The following D2HGDH variants were observed in gnomAD, a reference collection of about 807,000 sequenced individuals.
D2HGDH encodes the protein D-2-hydroxyglutarate dehydrogenase, mitochondrial.
A neutral mutation model predicts 46.9 loss-of-function variants in D2HGDH; 31 were observed. The ratio of observed to expected loss-of-function variants is 0.66; its 90% CI spans 0.50 to 0.89. The LOEUF is 0.89. D2HGDH is among the 40% of genes least tolerant of loss of function. D2HGDH has a pLI of 0.00. For synonymous variants in D2HGDH, 364 were observed against 332.6 expected, an observed-to-expected ratio of 1.09 and a Z score of -1.03; for missense variants, 698 against 720.8, an observed-to-expected ratio of 0.97 and a Z score of 0.36.
At chr2:241,750,339 C>T (rs1371658855) in intron 7 of D2HGDH, 45 bp downstream of exon 7, 3 of 1,402,474 alleles carry the variant, frequency 2.1e-6, no homozygotes, top group Non-Finnish European at 9.5e-7. Context: ...GCAGCTCCTT[C>T]TGCACGTCTG....
rs554238324 is a variant in D2HGDH, at chr2:241,751,875, G to T, written c.1140+487G>T. 3.2e-3 allele frequency among the ~76,000 whole-genome samples: 315 copies of T among 98,456 alleles called. 3 individuals are homozygous for T. The highest frequency in any genetic ancestry group is 0.012 in the African/African-American group (299 of 24,134). 64.6% of individuals were successfully genotyped at this position (98,456 alleles called of 152,430 possible). ...CCTTTTGAGGCCAAAGGAAGGAGGG[G>T]CAAGGCCTGGGCAGGGGGAGCCCTC... On this transcript the variant is annotated intron_variant, in intron 8 of 9. Coordinates refer to ENST00000321264, the MANE Select transcript of D2HGDH (RefSeq NM_152783.5).
At position 241,735,245 on chromosome 2, in the gene D2HGDH, GGCGTGGCCC is replaced by G. The variant is rs1307730631; in HGVS notation, c.29_37del (p.Pro10_Trp12del). On this transcript the variant is annotated inframe_deletion, in exon 2 of 10. Transcript: ENST00000321264. ...CGGCGATGCTGCCCCGTCGGCCTCT[GGCGTGGCCC>G]GCGTGGCTGTTGCGGGGTGCTCCGG... The G allele has an allele frequency of 2.6e-6, 4 of 1,517,666 alleles. No individual in the cohort carries two copies. Among genetic ancestry groups the G allele is most frequent in the African/African-American group, 2.9e-5 (2 of 70,108 alleles). The allele number at this position is 1,517,666 out of a possible 1,614,324, so 94.0% of individuals were successfully genotyped here.
chr2:241,752,373 G>T (rs1697399438), intron 8 of D2HGDH, among the ~76,000 whole-genome samples: 2 of 152,138 alleles, frequency 1.3e-5, no homozygotes, highest in South Asian at 4.1e-4. Flanking sequence ...ATGATCAAGT[G>T]TGCGTCCTTC....
intron 9 of D2HGDH, among the ~76,000 whole-genome samples, chr2:241,758,377 T>C (rs1164687946): frequency 6.6e-6 from 1 of 152,228 alleles, no homozygotes; most frequent in African/African-American, 2.4e-5. Context: ...TTTCAAGCTT[T>C]CCTTTCTTCT....
intron 7 of D2HGDH, 149 bp from the exon 8 acceptor site, chr2:241,751,097 A>G (rs1307654830): frequency 9.5e-7 from 1 of 1,050,134 alleles, no homozygotes; most frequent in African/African-American, 1.6e-5. Flanking sequence ...CAGCTTAACC[A>G]GAGAGCTGTG....
At chr2:241,735,073 A>G in intron 1 of D2HGDH, 60 bp from the exon 2 acceptor site, 1 of 859,404 alleles carries the variant, frequency 1.2e-6, no homozygotes, top group Non-Finnish European at 1.7e-6. Flanking sequence ...CTGCTTCTGC[A>G]AGCGTGTTTC....
chr2:241,764,701 C>T (rs1225179556), intron 9 of D2HGDH, among the ~76,000 whole-genome samples: 2 of 152,212 alleles, frequency 1.3e-5, no homozygotes, highest in African/African-American at 2.4e-5. Flanking sequence ...GGAAAACAGC[C>T]CTCACCCCAA....
Position 241,768,313 on chromosome 2 carries a change from A to G in D2HGDH, c.*344A>G. The G allele has an allele frequency of 3.5e-6, 1 of 283,236 alleles. No individual in the cohort carries two copies. The allele number at this position is 283,236 out of a possible 1,614,324, so 17.5% of individuals were successfully genotyped here. A position where few individuals can be genotyped will look rare whatever the true frequency, so the allele number is the denominator to read the frequency against. The stretch of plus-strand genomic sequence containing the variant: ...CCATCTTGCCTGCTGCGGCCTGGGG[A>G]GCAGGCGCTGGGTGGTGGTTCTGCC... On this transcript the variant is annotated 3_prime_UTR_variant, in exon 10 of 10. Coordinates refer to ENST00000321264, the MANE Select transcript of D2HGDH (RefSeq NM_152783.5).
chr2:241,744,622 C>A, intron 5 of D2HGDH, 87 bp from the exon 6 acceptor site: 1 of 1,518,342 alleles, frequency 6.6e-7, no homozygotes, highest in Non-Finnish European at 9.1e-7. Flanking sequence ...CCTCAGGCTG[C>A]TGCAGAAGTG....
At chr2:241,739,837 C>T (rs1336143049) in intron 2 of D2HGDH, among the ~76,000 whole-genome samples, 2 of 152,242 alleles carry the variant, frequency 1.3e-5, no homozygotes. Context: ...AGGGAAAGCC[C>T]TCCCTCGTGG....
rs1162829825 is a variant in D2HGDH, at chr2:241,767,744, G to C, written c.1341G>C (p.Glu447Asp). The C allele has an allele frequency of 6.2e-7, 1 of 1,612,926 alleles. No homozygotes were observed. The highest frequency in any genetic ancestry group is 8.5e-7 in the Non-Finnish European group (1 of 1,179,606). ...ACCTGCACCTCAATGTGACGGCGGA[G>C]GCCTTCAGCCCCTCGCTCCTGGCTG... ...DGNLHLNVTA[E>D]AFSPSLLAAL... is the part of the protein sequence containing the mutation. The change falls in exon 10 of 10, where the codon GAG becomes GAC. Residue 447 changes from glutamate to aspartate, a missense_variant. Transcript: ENST00000321264.
Position 241,742,008 on chromosome 2 carries a change from G to A in D2HGDH, c.351-427G>A, listed in dbSNP as rs1277730273. Among the ~76,000 whole-genome samples, 4 of 152,200 alleles carry A rather than the reference G, an allele frequency of 2.6e-5. No homozygotes were observed. Among genetic ancestry groups the A allele is most frequent in the Admixed American group, 1.3e-4 (2 of 15,286 alleles). ...GCTTTGCAAAGGTGCAGGCTGGTTG[G>A]GAGGGAGGTATCCTTGGGCACACGT... On this transcript the variant is annotated intron_variant, in intron 3 of 9. Coordinates refer to ENST00000321264, the MANE Select transcript of D2HGDH (RefSeq NM_152783.5). This position sits in a 1 kb window ranked among gnomAD's most constrained non-coding sequence, Gnocchi z 4.8.
chr2:241,737,581 C>G (rs1263245796), intron 2 of D2HGDH, among the ~76,000 whole-genome samples: 2 of 152,156 alleles, frequency 1.3e-5, no homozygotes, highest in African/African-American at 4.8e-5. Context: ...CCTCCACTTC[C>G]TGGGGTCAAG....
intron 2 of D2HGDH, among the ~76,000 whole-genome samples, chr2:241,740,126 C>T (rs759937466): frequency 4.6e-5 from 7 of 152,128 alleles, no homozygotes; most frequent in African/African-American, 1.2e-4. Flanking sequence ...GACTGGGTGA[C>T]GGAGTGAGAC....
chr2:241,767,932 TC>T lies in D2HGDH; in HGVS notation c.1531del (p.Leu511SerfsTer169), dbSNP rs1699289024. On this transcript the variant is annotated frameshift_variant, in exon 10 of 10. Coordinates refer to ENST00000321264, the MANE Select transcript of D2HGDH (RefSeq NM_152783.5). LOFTEE classifies it high-confidence loss of function. ...AAGGCCCTGCTGGACCCCAAGGGCA[TC>T]CTCAACCCCTACAAGACGCTGCCCA... is the stretch of plus-strand genomic sequence containing the variant. ...QLKALLDPKG[I>X]LNPYKTLPSQ... The T allele has an allele frequency of 5.0e-6, 8 of 1,599,994 alleles. No individual in the cohort carries two copies. The highest frequency in any genetic ancestry group is 6.8e-6 in the Non-Finnish European group (8 of 1,174,742).
chr2:241,739,664 T>A (rs373396150), intron 2 of D2HGDH, among the ~76,000 whole-genome samples: 25 of 152,270 alleles, frequency 1.6e-4, no homozygotes, highest in African/African-American at 6.0e-4. Flanking sequence ...GGGGCAGCAG[T>A]GGTTAGCAAC....
rs1391148860 is a variant in D2HGDH, at chr2:241,735,239, G to T, written c.15G>T (p.Arg5=). The change falls in exon 2 of 10, where the codon CGG becomes CGT. Residue 5 remains arginine (R), a synonymous_variant. Transcript: ENST00000321264. ...TCCCGGCGGCGATGCTGCCCCGTCG[G>T]CCTCTGGCGTGGCCCGCGTGGCTGT... The part of the protein sequence containing the change: MLPR[R]PLAWPAWLLR... The T allele has an allele frequency of 6.6e-6, 10 of 1,514,980 alleles. 1 individual carries two copies. The South Asian group carries it at 1.2e-4, about 19-fold the overall frequency. 93.8% of individuals were successfully genotyped at this position (1,514,980 alleles called of 1,614,324 possible).
intron 6 of D2HGDH, among the ~76,000 whole-genome samples, chr2:241,746,210 T>G (rs992763679): frequency 3.3e-5 from 5 of 152,130 alleles, no homozygotes; most frequent in Non-Finnish European, 7.4e-5. Flanking sequence ...TCTCTTAATC[T>G]CCCCTCCATA....
Position 241,750,158 on chromosome 2 carries a change from A to G in D2HGDH, c.861A>G (p.Pro287=). The G allele has an allele frequency of 6.2e-7, 1 of 1,613,960 alleles. No individual in the cohort carries two copies. The highest frequency in any genetic ancestry group is 1.3e-5 in the African/African-American group (1 of 75,014). ...RAVNVAFLGC[P]GFAEVLQTFS... ...TGCTGTGACCCGTTTCAGGCTGCCC[A>G]GGCTTTGCTGAGGTTCTGCAGACCT... The change falls in exon 7 of 10, where the codon CCA becomes CCG. Residue 287 remains proline, a synonymous_variant. Transcript: ENST00000321264.
Sources: gnomAD v4.1 joint callset for allele counts (sites outside exome capture counted in the v4.1 genomes callset) on GRCh38, gnomAD v4.1.1 for gene constraint, Gnocchi (gnomAD v3.1) non-coding constraint, MANE v1.5 for transcripts, NCBI Gene and HGNC (gene_info 2026-07-23, HGNC 2026-07-21) for gene names.